Variants in HEMK2 observed in about 807,000 individuals in gnomAD.
HEMK2 encodes HemK methyltransferase 2, ETF1 glutamine and histone H4 lysine.
the HEMK2 span, among the ~76,000 whole-genome samples, chr21:28,640,085 T>C: frequency 6.6e-6 from 1 of 152,130 alleles, no homozygotes; most frequent in South Asian, 2.1e-4. Flanking sequence ...AAACCCACAG[T>C]CTCTGGCACA....
chr21:28,623,448 C>G, the HEMK2 span, among the ~76,000 whole-genome samples: 1 of 152,040 alleles, frequency 6.6e-6, no homozygotes, highest in South Asian at 2.1e-4. Flanking sequence ...GATCTAAAAC[C>G]AGAAATATCA....
chr21:28,780,132 G>A, the HEMK2 span, among the ~76,000 whole-genome samples: 2 of 152,008 alleles, frequency 1.3e-5, no homozygotes, highest in Non-Finnish European at 2.9e-5. Flanking sequence ...AGTAGCTAAT[G>A]AGACATCACT....
chr21:28,872,834 C>A, the HEMK2 span: 1 of 152,140 alleles, frequency 6.6e-6, no homozygotes, highest in Admixed American at 6.5e-5. Flanking sequence ...ATTTTATTTA[C>A]GCCCTCAACA....
the HEMK2 span, among the ~76,000 whole-genome samples, chr21:28,818,653 G>A: frequency 6.6e-6 from 1 of 152,176 alleles, no homozygotes; most frequent in Admixed American, 6.5e-5. Flanking sequence ...GCAGGGAGGA[G>A]TTGGCCTGAT....
the HEMK2 span, among the ~76,000 whole-genome samples, chr21:28,864,804 C>G: frequency 1.6e-5 from 1 of 62,372 alleles, no homozygotes; most frequent in Non-Finnish European, 3.8e-5. Context: ...CTACCTCTCT[C>G]TGAAAGACAG....
the HEMK2 span, among the ~76,000 whole-genome samples, chr21:28,681,839 G>A: frequency 6.6e-6 from 1 of 152,116 alleles, no homozygotes; most frequent in Non-Finnish European, 1.5e-5. Context: ...GGGAGAACTG[G>A]CTAGCCATAT....
chr21:28,610,050 C>G, the HEMK2 span, among the ~76,000 whole-genome samples: 8 of 152,110 alleles, frequency 5.3e-5, no homozygotes, highest in Non-Finnish European at 1.0e-4. Flanking sequence ...ACAAAAAGCT[C>G]AAAGAACACC....
chr21:28,808,412 A>AG, the HEMK2 span, among the ~76,000 whole-genome samples: 1 of 59,558 alleles, frequency 1.7e-5, no homozygotes, highest in African/African-American at 5.3e-5. Flanking sequence ...CTACCCTTCC[A>AG]AAAAAAAAAA....
the HEMK2 span, among the ~76,000 whole-genome samples, chr21:28,613,641 T>TTTTTTTTTTTTTTTTTTTTTTTC: frequency 1.0e-5 from 1 of 98,176 alleles, no homozygotes; most frequent in African/African-American, 3.4e-5. Context: ...TTTTTTTTTT[T>TTTTTTTTTTTTTTTTTTTTTTTC]TTTTTTGCCC....
the HEMK2 span, among the ~76,000 whole-genome samples, chr21:28,797,629 T>C: frequency 2.7e-5 from 4 of 148,796 alleles, no homozygotes; most frequent in African/African-American, 9.8e-5. Flanking sequence ...AAAAAGAAAA[T>C]GAGAAACCTA....
At chr21:28,596,707 C>T in the HEMK2 span, among the ~76,000 whole-genome samples, 1 of 152,042 alleles carries the variant, frequency 6.6e-6, no homozygotes, top group African/African-American at 2.4e-5. Context: ...GTAACCATAG[C>T]TAGAGTCTGT....
chr21:28,698,368 G>A, the HEMK2 span, among the ~76,000 whole-genome samples: 17 of 151,896 alleles, frequency 1.1e-4, no homozygotes, highest in African/African-American at 1.7e-4. Flanking sequence ...GCTTTAAATC[G>A]GTTAAAATGA....
chr21:28,841,285 A>T, the HEMK2 span, among the ~76,000 whole-genome samples: 21 of 7,952 alleles, frequency 2.6e-3, 4 homozygotes, highest in Admixed American at 9.4e-3. Context: ...TATTATATAT[A>T]ATATATATTA....
chr21:28,776,534 G>T, the HEMK2 span, among the ~76,000 whole-genome samples: 1 of 152,214 alleles, frequency 6.6e-6, no homozygotes, highest in East Asian at 1.9e-4. Context: ...TAGCATAGAT[G>T]TATATATGAA....
the HEMK2 span, among the ~76,000 whole-genome samples, chr21:28,641,443 T>C: frequency 6.6e-6 from 1 of 152,142 alleles, no homozygotes; most frequent in Non-Finnish European, 1.5e-5. Context: ...GGCTATATAA[T>C]GGCTTAAGGC....
the HEMK2 span, among the ~76,000 whole-genome samples, chr21:28,633,899 A>T: frequency 3.3e-5 from 5 of 152,184 alleles, no homozygotes; most frequent in African/African-American, 1.2e-4. Context: ...TAGGGCGGTA[A>T]CAGGAATAAC....
At chr21:28,739,696 C>T in the HEMK2 span, among the ~76,000 whole-genome samples, 2 of 152,198 alleles carry the variant, frequency 1.3e-5, no homozygotes, top group Non-Finnish European at 2.9e-5. Flanking sequence ...CCCTAGGTGC[C>T]TATTCAAATT....
chr21:28,727,224 C>T, the HEMK2 span, among the ~76,000 whole-genome samples: 1 of 152,098 alleles, frequency 6.6e-6, no homozygotes, highest in Admixed American at 6.5e-5. Context: ...TGTCTCAGTC[C>T]CCACGTATTC....
At chr21:28,855,578 A>G in the HEMK2 span, among the ~76,000 whole-genome samples, 1 of 152,224 alleles carries the variant, frequency 6.6e-6, no homozygotes, top group East Asian at 1.9e-4. Context: ...TCATTTGCAC[A>G]TGGCACATAC....
Sources: gnomAD v4.1 joint callset for allele counts (sites outside exome capture counted in the v4.1 genomes callset) on GRCh38, gnomAD v4.1.1 for gene constraint, MANE v1.5 for transcripts, NCBI Gene and HGNC (gene_info 2026-07-23, HGNC 2026-07-21) for gene names.